The following SERPINE2 variants were observed in gnomAD, a reference collection of about 807,000 sequenced individuals.
The protein encoded by SERPINE2 is serpin family E member 2, also known as glia-derived nexin.
A neutral mutation model predicts 36.3 loss-of-function variants in SERPINE2; 14 were observed. That is an observed-to-expected ratio of 0.39 (90% CI 0.25 to 0.60). The LOEUF (loss-of-function observed/expected upper bound fraction) is 0.60. Among genes scored for constraint, SERPINE2 ranks in the 20% least tolerant of loss-of-function variants. The pLI is 0.57. For missense variants in SERPINE2, 418 were observed against 499.6 expected (o/e 0.84, Z 1.56); for synonymous variants, 192 against 191.8 (o/e 1.00, Z -0.01).
intron 1 of SERPINE2, among the ~76,000 whole-genome samples, chr2:224,009,151 C>T (rs763866887): frequency 6.6e-6 from 1 of 152,154 alleles, no homozygotes; most frequent in Admixed American, 6.5e-5. Context: ...ACACACAGCA[C>T]GGCAAGGTGA....
chr2:224,020,102 A>G (rs4674848), intron 1 of SERPINE2, among the ~76,000 whole-genome samples: 143,768 of 152,206 alleles, frequency 0.94, 68,260 homozygotes, highest in Non-Finnish European at 0.99. Context: ...TCACACAAGT[A>G]ATGATGCATT....
At chr2:224,032,515 C>T (rs748236094) in intron 1 of SERPINE2, among the ~76,000 whole-genome samples, 6 of 152,122 alleles carry the variant, frequency 3.9e-5, no homozygotes, top group Non-Finnish European at 7.3e-5. Flanking sequence ...GCACGGTTTA[C>T]AAAAACAAAG....
intron 4 of SERPINE2, among the ~76,000 whole-genome samples, chr2:223,988,750 T>C (rs1690532652): frequency 6.6e-6 from 1 of 152,170 alleles, no homozygotes; most frequent in African/African-American, 2.4e-5. Context: ...GAAAAACCTA[T>C]GTACAAGAAT....
chr2:224,006,149 T>C (rs1479992686), intron 1 of SERPINE2, among the ~76,000 whole-genome samples: 1 of 152,226 alleles, frequency 6.6e-6, no homozygotes, highest in Non-Finnish European at 1.5e-5. Context: ...CCACTCTCTA[T>C]AGACCCAATG....
At chr2:224,036,403 TG>T in intron 1 of SERPINE2, among the ~76,000 whole-genome samples, 1 of 137,118 alleles carries the variant, frequency 7.3e-6, no homozygotes, top group African/African-American at 2.8e-5. Context: ...AGAAACCTAG[TG>T]GGTATCCATA....
At chr2:223,975,985 G>T (rs1689996025) in intron 8 of SERPINE2, 81 bp from the exon 9 acceptor site, 5 of 1,318,468 alleles carry the variant, frequency 3.8e-6, no homozygotes, top group Non-Finnish European at 5.3e-6. Flanking sequence ...CTATTTAAGG[G>T]AAGGGAAACA....
chr2:224,015,366 A>G (rs928462761), intron 1 of SERPINE2, among the ~76,000 whole-genome samples: 2 of 152,206 alleles, frequency 1.3e-5, no homozygotes, highest in African/African-American at 4.8e-5. Context: ...GCTCCTGGGA[A>G]GGGCCACATG....
intron 1 of SERPINE2, among the ~76,000 whole-genome samples, chr2:224,008,958 A>G (rs1178140103): frequency 6.6e-6 from 1 of 152,208 alleles, no homozygotes; most frequent in Non-Finnish European, 1.5e-5. Flanking sequence ...TTTGCCTCCC[A>G]TGGCCATCTA....
intron 1 of SERPINE2, among the ~76,000 whole-genome samples, chr2:224,021,824 G>A (rs573902777): frequency 6.6e-6 from 1 of 152,306 alleles, no homozygotes; most frequent in African/African-American, 2.4e-5. Context: ...AGGAGTTTGA[G>A]ACCAGCCTGG....
chr2:224,026,772 A>G (rs1692200281), intron 1 of SERPINE2, among the ~76,000 whole-genome samples: 1 of 152,160 alleles, frequency 6.6e-6, no homozygotes, highest in Non-Finnish European at 1.5e-5. Context: ...GCCTTAACAC[A>G]GGCTTGTGTA....
intron 1 of SERPINE2, among the ~76,000 whole-genome samples, chr2:224,026,313 C>A (rs1181397625): frequency 2.6e-5 from 4 of 152,244 alleles, no homozygotes; most frequent in Non-Finnish European, 5.9e-5. Context: ...ACAACTAGCA[C>A]TACCTTAACT....
chr2:224,027,901 C>A (rs556245180), intron 1 of SERPINE2, among the ~76,000 whole-genome samples: 4 of 152,338 alleles, frequency 2.6e-5, no homozygotes, highest in Non-Finnish European at 5.9e-5. Flanking sequence ...CTTCAACTTC[C>A]TTCTTGTCCT....
At chr2:223,989,081 G>A (rs1690545368) in intron 4 of SERPINE2, among the ~76,000 whole-genome samples, 2 of 152,132 alleles carry the variant, frequency 1.3e-5, no homozygotes, top group South Asian at 4.1e-4. Context: ...CATATATATT[G>A]TACATGGAGG....
In SERPINE2 at chr2:224,005,096, T is replaced by TAA. The variant is rs1553547069; in HGVS notation, c.-22-3176_-22-3175dup. 6.7e-3 allele frequency among the ~76,000 whole-genome samples: 879 copies of TAA among 131,960 alleles called. 11 individuals are homozygous for TAA. The highest frequency in any genetic ancestry group is 0.024 in the African/African-American group (817 of 33,374). 86.6% of individuals were successfully genotyped at this position (131,960 alleles called of 152,430 possible). A position where few individuals can be genotyped will look rare whatever the true frequency, so the allele number is the denominator to read the frequency against. ...ATATATATATATATATATATATATA[T>TAA]AAAACATTGTAAAAACAGGGTGAAA... is the stretch of plus-strand genomic sequence containing the variant. On this transcript the variant is annotated intron_variant, in intron 1 of 8. Coordinates refer to ENST00000409304, the MANE Select transcript of SERPINE2 (RefSeq NM_001136528.2).
At chr2:224,022,832 G>A (rs1692051776) in intron 1 of SERPINE2, among the ~76,000 whole-genome samples, 2 of 152,202 alleles carry the variant, frequency 1.3e-5, no homozygotes, top group South Asian at 2.1e-4. Flanking sequence ...GCAGGACCAG[G>A]TGGGAGGTGA....
At chr2:223,988,135 G>A (rs1213518655) in intron 4 of SERPINE2, among the ~76,000 whole-genome samples, 1 of 152,106 alleles carries the variant, frequency 6.6e-6, no homozygotes, top group Admixed American at 6.5e-5. Context: ...TGCTGCTAAG[G>A]AACGATGGGT....
At chr2:224,011,837 T>C (rs960378374) in intron 1 of SERPINE2, among the ~76,000 whole-genome samples, 2 of 152,228 alleles carry the variant, frequency 1.3e-5, no homozygotes, top group Non-Finnish European at 2.9e-5. Context: ...TTCTCTGCAA[T>C]AAATAATTGC....
intron 1 of SERPINE2, among the ~76,000 whole-genome samples, chr2:224,006,104 AT>A (rs2106171767): frequency 6.6e-6 from 1 of 152,348 alleles, no homozygotes; most frequent in East Asian, 1.9e-4. Context: ...ACATTTATAA[AT>A]AGACTGCTTG....
chr2:224,026,891 G>A (rs556008104), intron 1 of SERPINE2, among the ~76,000 whole-genome samples: 1 of 152,164 alleles, frequency 6.6e-6, no homozygotes, highest in African/African-American at 2.4e-5. Flanking sequence ...CTGTGAAGGA[G>A]TTACCTGTTT....
Sources: allele counts gnomAD v4.1 joint callset (sites outside exome capture counted in the v4.1 genomes callset), GRCh38; gene constraint gnomAD v4.1.1; transcripts MANE v1.5; gene names NCBI Gene and HGNC (gene_info 2026-07-23, HGNC 2026-07-21).